Variants in HMOX2 observed in about 807,000 individuals in gnomAD.
The protein encoded by HMOX2 is heme oxygenase (decycling) 2.
In HMOX2, 30 loss-of-function variants were observed where a neutral mutation model predicts 33.7. The ratio of observed to expected loss-of-function variants is 0.89; its 90% CI spans 0.67 to 1.21. HMOX2 has a LOEUF of 1.21. HMOX2 is among the 50% of genes most tolerant of loss of function. HMOX2 has a pLI of 0.00. For missense variants in HMOX2, 403 were observed against 399.1 expected (o/e 1.01, Z -0.08); for synonymous variants, 155 against 155.0 (o/e 1.00, Z 0.00).
intron 1 of HMOX2, among the ~76,000 whole-genome samples, chr16:4,487,717 G>C (rs1344088501): frequency 6.6e-6 from 1 of 151,458 alleles, no homozygotes; most frequent in South Asian, 2.1e-4. Flanking sequence ...GGAGAATGGC[G>C]TGAACCCGGG....
intron 1 of HMOX2, among the ~76,000 whole-genome samples, chr16:4,490,251 A>C (rs146440157): frequency 7.2e-5 from 11 of 152,264 alleles, no homozygotes; most frequent in Non-Finnish European, 1.5e-4. Context: ...TCTTGGAGGA[A>C]ATATAGCAAG....
At chr16:4,478,940 A>C (rs943460100) in intron 1 of HMOX2, among the ~76,000 whole-genome samples, 1 of 152,160 alleles carries the variant, frequency 6.6e-6, no homozygotes, top group Non-Finnish European at 1.5e-5. Context: ...GGATCACCTG[A>C]GGTCAGGAGT....
intron 1 of HMOX2, among the ~76,000 whole-genome samples, chr16:4,477,787 G>C (rs184867368): frequency 4.4e-3 from 668 of 152,266 alleles, no homozygotes; most frequent in Non-Finnish European, 7.4e-3. Context: ...CGGGCGGGGT[G>C]GCGCGTGTCT....
chr16:4,489,263 C>T (rs911486990), intron 1 of HMOX2, among the ~76,000 whole-genome samples: 4 of 152,164 alleles, frequency 2.6e-5, no homozygotes, highest in Non-Finnish European at 5.9e-5. Context: ...TTATTCCCCC[C>T]ACAAGGCCAT....
intron 1 of HMOX2, chr16:4,481,834 C>T (rs1459564043): frequency 6.6e-6 from 1 of 152,170 alleles, no homozygotes; most frequent in Non-Finnish European, 1.5e-5. Context: ...CTGCTATGTG[C>T]TGCTGCAGAG....
chr16:4,494,393 T>C (rs1596461590), intron 1 of HMOX2, among the ~76,000 whole-genome samples: 1 of 152,144 alleles, frequency 6.6e-6, no homozygotes, highest in East Asian at 1.9e-4. Context: ...TGATCTGTTT[T>C]CTCTTCGCTC....
At position 4,505,561 on chromosome 16, in the gene HMOX2, G is replaced by A. The variant is rs139017711; in HGVS notation, c.37G>A (p.Glu13Lys). 1.5e-5 allele frequency: 24 copies of A among 1,606,662 alleles called. No homozygotes were observed. In the Admixed American group the frequency reaches 1.5e-4, roughly 10 times the overall value. ...AEVETSEGVDESEKKNSGALE... is the reference protein window; with the variant it reads ...AEVETSEGVDKSEKKNSGALE... ...AGTGGAAACCTCAGAGGGGGTAGAC[G>A]AGTCAGAAAAAAAGAACTCTGGGGC... is the stretch of plus-strand genomic sequence containing the variant. The change falls in exon 2 of 6, where the codon GAG (glutamate) becomes AAG (lysine). Residue 13 changes from glutamate to lysine, a missense_variant. Physicochemically the swap from Glu to Lys is moderately conservative, Grantham distance 56. Transcript: ENST00000570646.
At chr16:4,487,964 A>G (rs887975918) in intron 1 of HMOX2, among the ~76,000 whole-genome samples, 3 of 151,248 alleles carry the variant, frequency 2.0e-5, no homozygotes, top group Non-Finnish European at 4.4e-5. Flanking sequence ...AAAAAAAAAA[A>G]AAAAAAAATG....
At position 4,507,719 on chromosome 16, in the gene HMOX2, A is replaced by C; in HGVS notation, c.211A>C (p.Thr71Pro). 6.2e-6 allele frequency: 10 copies of C among 1,613,430 alleles called. No individual in the cohort carries two copies. The highest frequency in any genetic ancestry group is 7.6e-6 in the Non-Finnish European group (9 of 1,179,392). Residue 71 changes from threonine (T) to proline (P), a missense_variant, in exon 4 of 6, where the codon ACC becomes CCC. Thr to Pro is a conservative substitution (Grantham distance 38). Transcript: ENST00000570646. ...CCTCCTGTCACCTCCACAGCTGGCC[A>C]CCACGGCACTTTACTTCACATACTC... ...NIKKELFKLA[T>P]TALYFTYSAL... is the part of the protein sequence containing the mutation.
At chr16:4,496,777 T>A (rs2058431273) in intron 1 of HMOX2, 1 of 152,226 alleles carries the variant, frequency 6.6e-6, no homozygotes, top group Admixed American at 6.5e-5. Flanking sequence ...TCTGTCAGAC[T>A]TATAGTCTGG....
chr16:4,496,381 C>T (rs1331551334), intron 1 of HMOX2: 3 of 152,124 alleles, frequency 2.0e-5, no homozygotes, highest in East Asian at 3.9e-4. Context: ...GCCTCGGCCT[C>T]CCAAAGAGCT....
intron 1 of HMOX2, among the ~76,000 whole-genome samples, chr16:4,480,829 T>G (rs979089343): frequency 6.6e-6 from 1 of 150,790 alleles, no homozygotes; most frequent in African/African-American, 2.4e-5. Flanking sequence ...ATTTTTTGTA[T>G]TTTTAGTAGA....
chr16:4,499,272 G>A (rs1388348112), intron 1 of HMOX2, among the ~76,000 whole-genome samples: 2 of 152,306 alleles, frequency 1.3e-5, no homozygotes, highest in African/African-American at 4.8e-5. Flanking sequence ...GCACACAGTG[G>A]ATTAATGGAT....
At chr16:4,476,819 C>A (rs1460494404) in intron 1 of HMOX2, among the ~76,000 whole-genome samples, 2 of 152,202 alleles carry the variant, frequency 1.3e-5, no homozygotes, top group Non-Finnish European at 2.9e-5. Context: ...CCTCTCCCAG[C>A]GTCACGGCTA....
At chr16:4,478,660 G>A (rs1375111902) in intron 1 of HMOX2, among the ~76,000 whole-genome samples, 2 of 151,878 alleles carry the variant, frequency 1.3e-5, no homozygotes, top group Admixed American at 6.6e-5. Flanking sequence ...AGCTACTTGG[G>A]AGGCCGAGGC....
chr16:4,503,936 C>G lies in HMOX2; in HGVS notation c.-41-1548C>G, dbSNP rs187749471. On this transcript the variant is annotated intron_variant, in intron 1 of 5. Coordinates refer to ENST00000570646, the MANE Select transcript of HMOX2 (RefSeq NM_002134.4). ...TGGCCTGATTTGGCCCCAGTTCTGT[C>G]TTTGTGAGTTACTTTATTAGTTGTC... is the stretch of plus-strand genomic sequence containing the variant. Among the ~76,000 whole-genome samples, 108 of 152,322 alleles carry G rather than the reference C, an allele frequency of 7.1e-4. 2 individuals carry two copies. The East Asian group carries it at 9.2e-3, about 13-fold the overall frequency.
At chr16:4,493,200 C>G (rs1309970757) in intron 1 of HMOX2, among the ~76,000 whole-genome samples, 1 of 151,994 alleles carries the variant, frequency 6.6e-6, no homozygotes, top group East Asian at 1.9e-4. Flanking sequence ...CCTCCACCCC[C>G]GTCTGCCTAC....
intron 1 of HMOX2, among the ~76,000 whole-genome samples, chr16:4,485,236 G>A (rs986211378): frequency 2.6e-5 from 4 of 152,154 alleles, no homozygotes; most frequent in African/African-American, 9.7e-5. Flanking sequence ...AAAGTGCTAT[G>A]ATTACAGGGG....
chr16:4,509,981 A>G lies in HMOX2; in HGVS notation c.*225A>G. The G allele has an allele frequency of 3.5e-6, 2 of 571,196 alleles. No individual in the cohort carries two copies. The highest frequency in any genetic ancestry group is 4.6e-5 in the South Asian group (2 of 43,116). The allele number at this position is 571,196 out of a possible 1,614,324, so 35.4% of individuals were successfully genotyped here. ...CCGTCACCCTGGGAGCAGTCGGCAC[A>G]GTGCAGCAAGCCTGGCCCCCGACCC... On this transcript the variant is annotated 3_prime_UTR_variant, in exon 6 of 6. Coordinates refer to ENST00000570646, the MANE Select transcript of HMOX2 (RefSeq NM_002134.4).
Sources: gnomAD v4.1 joint callset for allele counts (sites outside exome capture counted in the v4.1 genomes callset) on GRCh38, gnomAD v4.1.1 for gene constraint, MANE v1.5 for transcripts, NCBI Gene and HGNC (gene_info 2026-07-23, HGNC 2026-07-21) for gene names.